The following TMPRSS9 variants were observed in gnomAD, a reference collection of about 807,000 sequenced individuals.
TMPRSS9 encodes transmembrane serine protease 9.
In TMPRSS9, 113 loss-of-function variants were observed where a neutral mutation model predicts 111.4. The observed-to-expected ratio is 1.01, with a 90% CI of 0.87 to 1.19. The LOEUF is 1.19. TMPRSS9 is among the 50% of genes most tolerant of loss of function. The pLI is 0.00. For missense variants in TMPRSS9, 1,803 were observed against 1,513.1 expected, an observed-to-expected ratio of 1.19 and a Z score of -3.18; for synonymous variants, 805 against 659.1, an observed-to-expected ratio of 1.22 and a Z score of -3.39.
chr19:2,381,827 C>A (rs1970388728), intron 1 of TMPRSS9, among the ~76,000 whole-genome samples: 1 of 117,640 alleles, frequency 8.5e-6, no homozygotes, highest in African/African-American at 3.7e-5. Context: ...GATATGTATT[C>A]ATTCATTCAT....
chr19:2,397,369 C>T (rs1483379297), intron 2 of TMPRSS9, among the ~76,000 whole-genome samples: 2 of 151,886 alleles, frequency 1.3e-5, no homozygotes, highest in Non-Finnish European at 2.9e-5. Context: ...TGGCTCACTG[C>T]AACCTCTGCC....
At chr19:2,411,388 TTTCTTC>T (rs200367589) in intron 9 of TMPRSS9, among the ~76,000 whole-genome samples, 1 of 136,846 alleles carries the variant, frequency 7.3e-6, no homozygotes, top group Non-Finnish European at 1.5e-5. Context: ...GAACCTTCTT[TTTCTTC>T]TTCTTCTTTT....
chr19:2,400,783 G>C (rs1970818956), intron 4 of TMPRSS9, among the ~76,000 whole-genome samples: 1 of 150,482 alleles, frequency 6.6e-6, no homozygotes, highest in South Asian at 2.1e-4. Context: ...AGACCAGCCG[G>C]GCCAACACGG....
At position 2,411,748 on chromosome 19, in the gene TMPRSS9, C is replaced by T. The variant is rs1261271391; in HGVS notation, c.1254+1354C>T. ...TATACTTTTAGTAAAGACAGGGTTT[C>T]GCCATGTTGGCCAGGCTGGTCTCGA... On this transcript the variant is annotated intron_variant, in intron 9 of 17. Coordinates refer to ENST00000648592, the Ensembl canonical transcript of TMPRSS9. Among the ~76,000 whole-genome samples the T allele has an allele frequency of 4.6e-5, 7 of 152,122 alleles. No individual in the cohort carries two copies. In the East Asian group the frequency reaches 5.8e-4, roughly 13 times the overall value.
chr19:2,392,587 C>T (rs1258229998), intron 1 of TMPRSS9, among the ~76,000 whole-genome samples: 1 of 152,132 alleles, frequency 6.6e-6, no homozygotes, highest in Non-Finnish European at 1.5e-5. Flanking sequence ...GCCAGCTGGG[C>T]TCCTGAGTCG....
intron 1 of TMPRSS9, among the ~76,000 whole-genome samples, chr19:2,372,166 T>C (rs1970296327): frequency 6.6e-6 from 1 of 152,170 alleles, no homozygotes; most frequent in African/African-American, 2.4e-5. Context: ...CCTTCTTTTT[T>C]CTTCCCTGTA....
At chr19:2,425,246 T>C in exon 16 of TMPRSS9, 1 of 1,397,952 alleles carries the variant, frequency 7.2e-7, no homozygotes, top group African/African-American at 1.5e-5. Flanking sequence ...CATCACCGGC[T>C]GGGGCTCGGT....
At chr19:2,392,897 A>G (rs1490104838) in intron 1 of TMPRSS9, among the ~76,000 whole-genome samples, 1 of 152,030 alleles carries the variant, frequency 6.6e-6, no homozygotes, top group Non-Finnish European at 1.5e-5. Flanking sequence ...AATCGCACCA[A>G]TCAGTGTTCT....
At chr19:2,384,126 A>G (rs943987581) in intron 1 of TMPRSS9, among the ~76,000 whole-genome samples, 1 of 152,168 alleles carries the variant, frequency 6.6e-6, no homozygotes, top group African/African-American at 2.4e-5. Context: ...ACAGAATGGC[A>G]TTGTTCCCCC....
chr19:2,417,365 C>T lies in TMPRSS9; in HGVS notation c.2017+556C>T, dbSNP rs562253676. ...CCTGTAATCCCAGCTACTCGGGAGG[C>T]TGAGGCAGGAGAATTGCTTGAATCT... is the stretch of plus-strand genomic sequence containing the variant. On this transcript the variant is annotated intron_variant, in intron 12 of 17. Transcript: ENST00000648592. 1.4e-3 allele frequency among the ~76,000 whole-genome samples: 217 copies of T among 151,308 alleles called. 1 individual carries two copies. Among genetic ancestry groups the T allele is most frequent in the Non-Finnish European group, 1.9e-3 (126 of 67,934 alleles).
intron 1 of TMPRSS9, among the ~76,000 whole-genome samples, chr19:2,368,449 A>G (rs1970263663): frequency 2.0e-5 from 3 of 152,006 alleles, no homozygotes; most frequent in African/African-American, 4.8e-5. Flanking sequence ...ATGTTTGGGG[A>G]TCGGCGAGGA....
intron 5 of TMPRSS9, among the ~76,000 whole-genome samples, chr19:2,402,328 G>A (rs991654925): frequency 6.6e-5 from 10 of 152,124 alleles, no homozygotes; most frequent in Non-Finnish European, 1.2e-4. Flanking sequence ...TGTACTCTCA[G>A]CTACTTGGGA....
At chr19:2,409,138 G>GT (rs1568183801) in intron 8 of TMPRSS9, among the ~76,000 whole-genome samples, 1 of 144,300 alleles carries the variant, frequency 6.9e-6, no homozygotes, top group Non-Finnish European at 1.5e-5. Context: ...ATGCTACTGC[G>GT]ATTTTTTTTT....
chr19:2,411,235 G>T (rs1334996683), intron 9 of TMPRSS9, among the ~76,000 whole-genome samples: 1 of 137,918 alleles, frequency 7.3e-6, no homozygotes, highest in African/African-American at 2.7e-5. Context: ...GGGAGCTGGA[G>T]GTTGCAGTGA....
rs1971542554 is a variant in TMPRSS9, at chr19:2,424,281, C to T, written c.2717+24C>T. The T allele has an allele frequency of 2.2e-6, 3 of 1,337,282 alleles. No homozygotes were observed. The East Asian group carries it at 8.5e-5, about 38-fold the overall frequency. 82.8% of individuals were successfully genotyped at this position (1,337,282 alleles called of 1,614,324 possible). On this transcript the variant is annotated intron_variant, in intron 15 of 17. Transcript: ENST00000648592. Reference sequence around the variant, plus strand: ...GTGTGAGTTCCAAACGCTCCAAATGCCCCTACATGTCTCTGTAGCTCACCC... The same window carrying T: ...GTGTGAGTTCCAAACGCTCCAAATGTCCCTACATGTCTCTGTAGCTCACCC...
chr19:2,418,311 C>CT (rs1971315508), intron 13 of TMPRSS9, among the ~76,000 whole-genome samples, 173 bp downstream of exon 14: 1 of 31,188 alleles, frequency 3.2e-5, no homozygotes, highest in East Asian at 1.2e-3. Flanking sequence ...CTCCCTTTCC[C>CT]TCCCTCCCTC....
chr19:2,422,340 G>A, intron 14 of TMPRSS9, 93 bp downstream of exon 15: 1 of 1,411,388 alleles, frequency 7.1e-7, no homozygotes, highest in Non-Finnish European at 9.3e-7. Context: ...TCCACTTTGG[G>A]AGGCCGAGGC....
At chr19:2,380,653 G>T (rs1318930833) in intron 1 of TMPRSS9, among the ~76,000 whole-genome samples, 2 of 151,010 alleles carry the variant, frequency 1.3e-5, no homozygotes, top group African/African-American at 4.9e-5. Flanking sequence ...AGATGAGAAT[G>T]CAGCCCAGCT....
exon 8 of TMPRSS9, chr19:2,408,495 G>T: frequency 6.2e-7 from 1 of 1,613,916 alleles, no homozygotes; most frequent in Non-Finnish European, 8.5e-7. Flanking sequence ...CTTTGACGTG[G>T]CTGTGCTGGA....
Sources: gnomAD v4.1 joint callset for allele counts (sites outside exome capture counted in the v4.1 genomes callset) on GRCh38, gnomAD v4.1.1 for gene constraint, MANE v1.5 for transcripts, NCBI Gene and HGNC (gene_info 2026-07-23, HGNC 2026-07-21) for gene names.